Variants in AKR1C3 observed in about 807,000 individuals in gnomAD.
AKR1C3 encodes aldo-keto reductase family 1 member C3, also known as 3-alpha hydroxysteroid dehydrogenase, type II.
In AKR1C3, 48 loss-of-function variants were observed where a neutral mutation model predicts 43.6. That is an observed-to-expected ratio of 1.10 (90% confidence interval 0.87 to 1.40). The LOEUF (loss-of-function observed/expected upper bound fraction) is 1.40, where lower values mean the gene tolerates loss of function less well. Among genes scored for constraint, AKR1C3 ranks in the 40% most tolerant of loss-of-function variants. AKR1C3 has a pLI of 0.00. For synonymous variants in AKR1C3, 162 were observed against 139.6 expected (o/e 1.16, Z -1.13); for missense variants, 482 against 391.2 (o/e 1.23, Z -1.96).
At chr10:5,096,624 T>G in intron 2 of AKR1C3, 47 bp downstream of exon 2, 1 of 1,560,942 alleles carries the variant, frequency 6.4e-7, no homozygotes, top group South Asian at 1.2e-5. Flanking sequence ...TTATTGTGAT[T>G]GTGTGGAGAT....
chr10:5,100,499 CT>C (rs1391362383), intron 5 of AKR1C3, among the ~76,000 whole-genome samples: 1 of 150,940 alleles, frequency 6.6e-6, no homozygotes, highest in African/African-American at 2.4e-5. Flanking sequence ...GGGATAAGTC[CT>C]TTTTTCCCCC....
Position 5,087,146 on chromosome 10 carries a change from C to T in AKR1C3, c.85-9264C>T, listed in dbSNP as rs941153769. 5.9e-5 allele frequency among the ~76,000 whole-genome samples: 9 copies of T among 152,268 alleles called. No homozygotes were observed. The East Asian group carries it at 1.7e-3, about 29-fold the overall frequency. On this transcript the variant is annotated intron_variant, in intron 1 of 8. Coordinates refer to the AKR1C3 transcript ENST00000439082. ...TGGTTATTTTGCTCGATAGTTGATGCAGTTTCTTCCTAGCCTCGCTGGTCT... is the reference window on the plus strand; with the variant it reads ...TGGTTATTTTGCTCGATAGTTGATGTAGTTTCTTCCTAGCCTCGCTGGTCT...
At chr10:5,093,752 C>T (rs782661075), upstream of AKR1C3, 5 of 152,122 alleles carry the variant, frequency 3.3e-5, no homozygotes, top group Non-Finnish European at 5.9e-5. Flanking sequence ...TAATAATTAA[C>T]ACTCCAATAA....
chr10:5,063,791 G>GAAAAAAAAAAAAAAAAAAAAAAA (rs1554780518), intron 1 of AKR1C3, among the ~76,000 whole-genome samples: 328 of 72,664 alleles, frequency 4.5e-3, no homozygotes, highest in Non-Finnish European at 6.5e-3. Context: ...AAAAAAAAAG[G>GAAAAAAAAAAAAAAAAAAAAAAA]AAAATGGCAC....
intron 1 of AKR1C3, among the ~76,000 whole-genome samples, chr10:5,070,977 G>A (rs1194061483): frequency 4.6e-5 from 7 of 152,202 alleles, no homozygotes; most frequent in African/African-American, 1.7e-4. Flanking sequence ...CCTGATAGGT[G>A]ATCTTCATGT....
At chr10:5,105,522 C>T (rs1839477897) in intron 7 of AKR1C3, 73 bp from the exon 8 acceptor site, 3 of 1,135,524 alleles carry the variant, frequency 2.6e-6, no homozygotes, top group South Asian at 1.4e-5. Context: ...TGTCTCTGCA[C>T]CCTACTGTCT....
intron 1 of AKR1C3, 175 bp from the exon 2 acceptor site, chr10:5,096,235 T>A (rs1839203482): frequency 2.9e-6 from 2 of 679,758 alleles, no homozygotes; most frequent in Non-Finnish European, 4.7e-6. Context: ...AAGGTGTTTC[T>A]GGGATGCTCA....
chr10:5,096,271 T>C (rs1375028858), intron 1 of AKR1C3, 139 bp from the exon 2 acceptor site: 1 of 1,039,484 alleles, frequency 9.6e-7, no homozygotes, highest in African/African-American at 1.6e-5. Flanking sequence ...CAGGAAAGAC[T>C]CAGGCAAACT....
intron 1 of AKR1C3, among the ~76,000 whole-genome samples, chr10:5,061,168 C>T (rs532053190): frequency 6.6e-4 from 101 of 152,246 alleles, no homozygotes; most frequent in Admixed American, 3.5e-3. Context: ...CGAGAGTGAG[C>T]GAGGACTGCA....
At chr10:5,090,974 A>G (rs188545538), upstream of AKR1C3, among the ~76,000 whole-genome samples, 1 of 152,282 alleles carries the variant, frequency 6.6e-6, no homozygotes, top group East Asian at 1.9e-4. Flanking sequence ...TTACAAAGTC[A>G]AGAATGTTTT....
chr10:5,093,000 C>A (rs908276492), upstream of AKR1C3, among the ~76,000 whole-genome samples: 3 of 151,968 alleles, frequency 2.0e-5, no homozygotes, highest in East Asian at 3.9e-4. Context: ...AACATAAAAC[C>A]CTAAGGCCTT....
chr10:5,099,250 C>T (rs1839289495), intron 4 of AKR1C3, 77 bp from the exon 5 acceptor site: 1 of 1,592,850 alleles, frequency 6.3e-7, no homozygotes, highest in Non-Finnish European at 8.6e-7. Flanking sequence ...AGTTGTTGCT[C>T]TCACAGTTCT....
At chr10:5,064,736 C>G (rs1413083645) in intron 1 of AKR1C3, among the ~76,000 whole-genome samples, 1 of 151,776 alleles carries the variant, frequency 6.6e-6, no homozygotes, top group Non-Finnish European at 1.5e-5. Flanking sequence ...TGAAGAGATG[C>G]TTTTTAAAAG....
chr10:5,086,735 A>G (rs1657489329), intron 1 of AKR1C3, among the ~76,000 whole-genome samples: 1 of 152,106 alleles, frequency 6.6e-6, no homozygotes, highest in African/African-American at 2.4e-5. Context: ...GTCACTAAGG[A>G]CTTGCTTTAT....
chr10:5,086,481 G>A (rs2131824539), intron 1 of AKR1C3, among the ~76,000 whole-genome samples: 1 of 151,832 alleles, frequency 6.6e-6, no homozygotes, highest in East Asian at 1.9e-4. Flanking sequence ...TTGCTGAGGA[G>A]AGCTTTACTT....
intron 1 of AKR1C3, among the ~76,000 whole-genome samples, chr10:5,051,967 G>C (rs1056351184): frequency 6.6e-6 from 1 of 152,180 alleles, no homozygotes; most frequent in African/African-American, 2.4e-5. Context: ...TTATAAGTTA[G>C]GATCGGGGGT....
chr10:5,088,383 A>AT (rs1269755888), intron 1 of AKR1C3, among the ~76,000 whole-genome samples: 11 of 150,490 alleles, frequency 7.3e-5, no homozygotes, highest in African/African-American at 2.7e-4. Flanking sequence ...TTTTTGGCTG[A>AT]TTTTCTGTCT....
chr10:5,071,879 T>G (rs1418932236), intron 1 of AKR1C3, among the ~76,000 whole-genome samples: 3 of 152,308 alleles, frequency 2.0e-5, no homozygotes, highest in African/African-American at 7.2e-5. Context: ...GCTCAGCCTT[T>G]CCCTTCTCCC....
intron 2 of AKR1C3, among the ~76,000 whole-genome samples, chr10:5,096,900 G>T (rs1554785225): frequency 6.6e-6 from 1 of 152,078 alleles, no homozygotes; most frequent in Admixed American, 6.6e-5. Flanking sequence ...GATTTTCTAA[G>T]ATTTCTTATT....
Sources: gnomAD v4.1 joint callset for allele counts (sites outside exome capture counted in the v4.1 genomes callset) on GRCh38, gnomAD v4.1.1 for gene constraint, MANE v1.5 for transcripts, NCBI Gene and HGNC (gene_info 2026-07-23, HGNC 2026-07-21) for gene names.